The following SCNN1B variants were observed in gnomAD, a reference collection of about 807,000 sequenced individuals.
SCNN1B encodes the protein epithelial sodium channel subunit beta.
In SCNN1B, 46 loss-of-function variants were observed where a neutral mutation model predicts 65.3. That is an observed-to-expected ratio of 0.70 (90% CI 0.56 to 0.90). The LOEUF is 0.90. Among genes scored for constraint, SCNN1B ranks in the 40% least tolerant of loss-of-function variants. SCNN1B has a pLI of 0.00. For missense variants in SCNN1B, 751 were observed against 830.5 expected (o/e 0.90, Z 1.18); for synonymous variants, 349 against 330.6 (o/e 1.06, Z -0.60).
At chr16:23,375,560 T>G (rs1962875419) in intron 7 of SCNN1B, among the ~76,000 whole-genome samples, 178 bp from the exon 8 acceptor site, 1 of 152,104 alleles carries the variant, frequency 6.6e-6, no homozygotes, top group Non-Finnish European at 1.5e-5. Context: ...TCCAGGACTG[T>G]GGGGTCTGTA....
chr16:23,288,427 G>A (rs146132748), intron 2 of SCNN1B, among the ~76,000 whole-genome samples: 88 of 152,206 alleles, frequency 5.8e-4, no homozygotes, highest in African/African-American at 1.9e-3. Context: ...CATTTATTAC[G>A]TGACAGTTTC....
chr16:23,365,156 A>G (rs375016225), intron 4 of SCNN1B, among the ~76,000 whole-genome samples: 12 of 150,394 alleles, frequency 8.0e-5, no homozygotes, highest in Admixed American at 2.0e-4. Flanking sequence ...GTTGGGCGTG[A>G]TGGTGCCTGC....
intron 2 of SCNN1B, among the ~76,000 whole-genome samples, chr16:23,286,365 C>G (rs1310256657): frequency 6.6e-6 from 1 of 152,220 alleles, no homozygotes; most frequent in African/African-American, 2.4e-5. Context: ...CTGTGATTCA[C>G]AAGCAGCCAA....
At chr16:23,351,046 G>A (rs1203470356) in intron 2 of SCNN1B, among the ~76,000 whole-genome samples, 3 of 152,212 alleles carry the variant, frequency 2.0e-5, no homozygotes, top group African/African-American at 7.2e-5. Flanking sequence ...TTCAAGGTCA[G>A]CATGGCCAAC....
At position 23,371,415 on chromosome 16, in the gene SCNN1B, G is replaced by T; in HGVS notation, c.997G>T (p.Gly333Cys). 1 of 1,614,158 alleles carries T rather than the reference G, an allele frequency of 6.2e-7. No individual in the cohort carries two copies. Among genetic ancestry groups the T allele is most frequent in the Non-Finnish European group, 8.5e-7 (1 of 1,180,018 alleles). ...GTCATACCCCTTCATCAGAGATGAG[G>T]GCATCTACGCCATGTCGGGGACAGA... is the stretch of plus-strand genomic sequence containing the variant. Reference protein sequence around the residue: ...QRSYPFIRDEGIYAMSGTETS... With the variant: ...QRSYPFIRDECIYAMSGTETS... The change falls in exon 6 of 13, where the codon GGC becomes TGC. Residue 333 changes from glycine to cysteine, a missense_variant. Coordinates refer to ENST00000343070, the MANE Select transcript of SCNN1B (RefSeq NM_000336.3).
At position 23,305,539 on chromosome 16, in the gene SCNN1B, T is replaced by A. The variant is rs1961181271; in HGVS notation, c.-9+3102T>A. 1.3e-4 allele frequency among the ~76,000 whole-genome samples: 3 copies of A among 23,932 alleles called. 1 individual carries two copies. Among genetic ancestry groups the A allele is most frequent in the African/African-American group, 1.0e-3 (2 of 1,996 alleles). The allele number at this position is 23,932 out of a possible 152,430, so 15.7% of individuals were successfully genotyped here. Reference sequence around the variant, plus strand: ...ATCTCTACCAAATATATATATTATATATATATATATATATATATATATATA... The same window carrying A: ...ATCTCTACCAAATATATATATTATAAATATATATATATATATATATATATA... On this transcript the variant is annotated intron_variant, in intron 1 of 12. Transcript: ENST00000343070.
chr16:23,332,007 A>G (rs188948639), intron 1 of SCNN1B, among the ~76,000 whole-genome samples: 6 of 152,024 alleles, frequency 3.9e-5, no homozygotes, highest in Non-Finnish European at 7.4e-5. Context: ...AGCTCTGAGG[A>G]ATGGGATCTC....
intron 2 of SCNN1B, among the ~76,000 whole-genome samples, chr16:23,291,198 A>C (rs919081502): frequency 2.0e-5 from 3 of 151,850 alleles, no homozygotes; most frequent in Non-Finnish European, 4.4e-5. Context: ...AGCAGCTGGG[A>C]CTACAGGTGC....
intron 4 of SCNN1B, among the ~76,000 whole-genome samples, chr16:23,356,535 G>A (rs924470993): frequency 2.0e-5 from 3 of 151,812 alleles, no homozygotes; most frequent in Non-Finnish European, 2.9e-5. Context: ...GAGGAGGGAG[G>A]ATCACTTGAG....
At chr16:23,284,918 G>C (rs901710758) in intron 2 of SCNN1B, among the ~76,000 whole-genome samples, 1 of 152,144 alleles carries the variant, frequency 6.6e-6, no homozygotes, top group Non-Finnish European at 1.5e-5. Flanking sequence ...GCATCTTGTT[G>C]GGCTGGAAAG....
upstream of SCNN1B, among the ~76,000 whole-genome samples, chr16:23,299,185 G>A (rs987399776): frequency 1.3e-5 from 2 of 150,448 alleles, no homozygotes; most frequent in Admixed American, 6.7e-5. Flanking sequence ...TCAGCCTCTT[G>A]AGAAGCTGGG....
chr16:23,332,226 C>T (rs1014935777), intron 1 of SCNN1B, among the ~76,000 whole-genome samples: 1 of 151,364 alleles, frequency 6.6e-6, no homozygotes, highest in Non-Finnish European at 1.5e-5. Flanking sequence ...GATGGAGTCT[C>T]GCTCTGTTGC....
In SCNN1B at chr16:23,314,679, T is replaced by C. The variant is rs142607065; in HGVS notation, c.-9+12242T>C. Among the ~76,000 whole-genome samples the C allele has an allele frequency of 7.2e-5, 11 of 152,288 alleles. 1 individual carries two copies. Among genetic ancestry groups the C allele is most frequent in the Non-Finnish European group, 1.3e-4 (9 of 68,016 alleles). ...AGCCTTTGGTTCACCCACAGCCAAG[T>C]GTAAGGTTTCGGCTTTTCACAATGC... On this transcript the variant is annotated intron_variant, in intron 1 of 12. Transcript: ENST00000343070.
chr16:23,365,431 A>G (rs1310164330), intron 4 of SCNN1B, among the ~76,000 whole-genome samples: 1 of 149,612 alleles, frequency 6.7e-6, no homozygotes, highest in Non-Finnish European at 1.5e-5. Context: ...GAAAGAAAGG[A>G]AGGAAGAAAG....
Position 23,380,260 on chromosome 16 carries a change from G to A in SCNN1B, c.1542+91G>A. ...GGGAAGGGTTCTGAGCCCTATGAAG[G>A]AATTAGGAAGATCCCTAAGACAGTC... is the stretch of plus-strand genomic sequence containing the variant. On this transcript the variant is annotated intron_variant, in intron 12 of 12. Coordinates refer to ENST00000343070, the MANE Select transcript of SCNN1B (RefSeq NM_000336.3). This position sits in a 1 kb window ranked among gnomAD's most constrained non-coding sequence, Gnocchi z 5.4. 2 of 1,493,618 alleles carry A rather than the reference G, an allele frequency of 1.3e-6. No individual in the cohort carries two copies. Among genetic ancestry groups the A allele is most frequent in the Non-Finnish European group, 1.9e-6 (2 of 1,071,430 alleles). 92.5% of individuals were successfully genotyped at this position (1,493,618 alleles called of 1,614,324 possible). A position where few individuals can be genotyped will look rare whatever the true frequency, so the allele number is the denominator to read the frequency against.
At chr16:23,336,333 A>G (rs542806754) in intron 1 of SCNN1B, among the ~76,000 whole-genome samples, 46 of 151,964 alleles carry the variant, frequency 3.0e-4, no homozygotes, top group Admixed American at 3.9e-4. Context: ...GTGAAAGACA[A>G]TTAACAGGGC....
intron 10 of SCNN1B, 86 bp from the exon 11 acceptor site, chr16:23,378,620 G>A (rs72654344): frequency 2.4e-5 from 30 of 1,252,072 alleles, no homozygotes; most frequent in Middle Eastern, 1.8e-4. Flanking sequence ...GGACAGGGCT[G>A]TGGTCTACCT....
In SCNN1B at chr16:23,380,661, GC is replaced by G. The variant is rs758629218; in HGVS notation, c.1789del (p.Arg597AlafsTer79). 1.2e-6 allele frequency: 2 copies of G among 1,612,408 alleles called. No homozygotes were observed. Among genetic ancestry groups the G allele is most frequent in the African/African-American group, 1.3e-5 (1 of 74,910 alleles). On this transcript the variant is annotated frameshift_variant, in exon 13 of 13. Coordinates refer to ENST00000343070, the MANE Select transcript of SCNN1B (RefSeq NM_000336.3). LOFTEE classifies it low-confidence loss of function (END_TRUNC). The surrounding 1 kb of genome is among the most constrained non-coding windows in gnomAD (Gnocchi z 5.4). The stretch of plus-strand genomic sequence containing the variant: ...CAACTTTGGCTTCCAGCCTGACACG[GC>G]CCCCCGCAGCCCCAACACTGGGCCC... The part of the protein sequence containing the change: ...HTNFGFQPDT[A>X]PRSPNTGPYP...
intron 1 of SCNN1B, among the ~76,000 whole-genome samples, chr16:23,325,063 A>C (rs1416580889): frequency 6.6e-6 from 1 of 152,160 alleles, no homozygotes; most frequent in Non-Finnish European, 1.5e-5. Flanking sequence ...TCTGTCAACA[A>C]GGGTATGGGA....
Sources: allele counts gnomAD v4.1 joint callset (sites outside exome capture counted in the v4.1 genomes callset), GRCh38; gene constraint gnomAD v4.1.1; non-coding constraint Gnocchi (gnomAD v3.1); transcripts MANE v1.5; gene names NCBI Gene and HGNC (gene_info 2026-07-23, HGNC 2026-07-21).